Variants in NYAP2 observed in about 807,000 individuals in gnomAD.
NYAP2 encodes the protein neuronal tyrosine-phosphorylated phosphoinositide-3-kinase adaptor 2, also known as neuronal tyrosine-phosphorylated phosphoinositide-3-kinase adapter 2.
A neutral mutation model predicts 50.4 loss-of-function variants in NYAP2; 23 were observed. That is an observed-to-expected ratio of 0.46 (90% CI 0.33 to 0.65). The LOEUF (loss-of-function observed/expected upper bound fraction) is 0.65, where lower values mean the gene tolerates loss of function less well. Ranked by LOEUF, NYAP2 falls within the 30% of genes least tolerant of loss-of-function variation. The pLI, the probability that NYAP2 is intolerant of heterozygous loss-of-function variation, is 0.02. For synonymous variants in NYAP2, 394 were observed against 365.2 expected (o/e 1.08, Z -0.90); for missense variants, 885 against 861.0 (o/e 1.03, Z -0.35).
chr2:225,545,635 T>C (rs1227752783), intron 4 of NYAP2, among the ~76,000 whole-genome samples: 1 of 152,206 alleles, frequency 6.6e-6, no homozygotes, highest in Non-Finnish European at 1.5e-5. Context: ...AACAGCTATT[T>C]TGAATTCTCT....
chr2:225,520,377 G>A (rs1235936435), intron 4 of NYAP2, among the ~76,000 whole-genome samples: 1 of 151,992 alleles, frequency 6.6e-6, no homozygotes, highest in Non-Finnish European at 1.5e-5. Context: ...TAATGCCTAG[G>A]TTTTCTTCTA....
chr2:225,691,287 T>C, the NYAP2 span, among the ~76,000 whole-genome samples: 2 of 152,178 alleles, frequency 1.3e-5, no homozygotes, highest in South Asian at 4.1e-4. Flanking sequence ...TTCTACCTTG[T>C]AGACAGTACG....
chr2:225,411,810 C>A (rs763420090), intron 3 of NYAP2, among the ~76,000 whole-genome samples: 11 of 151,998 alleles, frequency 7.2e-5, no homozygotes, highest in Non-Finnish European at 1.6e-4. Context: ...GAGAACTGAC[C>A]ATTGCTTTTT....
At chr2:225,624,828 T>A (rs2106256665) in intron 5 of NYAP2, among the ~76,000 whole-genome samples, 1 of 151,402 alleles carries the variant, frequency 6.6e-6, no homozygotes, top group South Asian at 2.1e-4. Flanking sequence ...TGGTATTTTC[T>A]TTGTTTTGTA....
chr2:225,665,843 C>A, the NYAP2 span, among the ~76,000 whole-genome samples: 1 of 67,528 alleles, frequency 1.5e-5, no homozygotes, highest in Non-Finnish European at 3.6e-5. Context: ...AAAAAGCCCA[C>A]CACCCAGATA....
chr2:225,448,063 G>A (rs1435888879), intron 3 of NYAP2, among the ~76,000 whole-genome samples: 1 of 152,206 alleles, frequency 6.6e-6, no homozygotes, highest in Non-Finnish European at 1.5e-5. Flanking sequence ...CACCTGAGAT[G>A]GGCCTTCTCA....
At chr2:225,407,487 A>T (rs1279733638) in intron 2 of NYAP2, among the ~76,000 whole-genome samples, 1 of 151,964 alleles carries the variant, frequency 6.6e-6, no homozygotes, top group Non-Finnish European at 1.5e-5. Flanking sequence ...ATGGGTTCCA[A>T]ATCAAATATG....
intron 5 of NYAP2, among the ~76,000 whole-genome samples, chr2:225,591,516 AT>A (rs1692504663): frequency 6.6e-6 from 1 of 152,144 alleles, no homozygotes; most frequent in Admixed American, 6.5e-5. Flanking sequence ...GAACACTTCC[AT>A]AATAATAGTG....
exon 6 of NYAP2, chr2:225,626,953 C>A (rs754478693): frequency 6.3e-7 from 1 of 1,583,696 alleles, no homozygotes; most frequent in African/African-American, 1.3e-5. Context: ...AGCCACAGCA[C>A]GGAGCCATTA....
intron 3 of NYAP2, among the ~76,000 whole-genome samples, chr2:225,469,988 T>C (rs1689986954): frequency 6.6e-6 from 1 of 152,080 alleles, no homozygotes; most frequent in South Asian, 2.1e-4. Flanking sequence ...ACCCCAGAGC[T>C]TGAAGTAGAA....
At chr2:225,411,826 A>G (rs976544374) in intron 3 of NYAP2, among the ~76,000 whole-genome samples, 1 of 152,030 alleles carries the variant, frequency 6.6e-6, no homozygotes, top group African/African-American at 2.4e-5. Context: ...TTTTTACCAC[A>G]TTTGTGTTAT....
chr2:225,626,982 G>C, exon 6 of NYAP2: 1 of 1,587,588 alleles, frequency 6.3e-7, no homozygotes, highest in Non-Finnish European at 8.6e-7. Flanking sequence ...GGACAACAAG[G>C]AAAGAGGCCA....
chr2:225,426,139 CTT>C (rs56247453), intron 3 of NYAP2, among the ~76,000 whole-genome samples: 6,414 of 148,876 alleles, frequency 0.043, 160 homozygotes, highest in African/African-American at 0.071. Context: ...TTTCTCTTTT[CTT>C]TTTTTTTTTT....
rs150128802 is a variant in NYAP2 at position 225,582,820 on chromosome 2, G to T, written c.1403G>T (p.Ser468Ile). The change falls in exon 5 of 7, where the codon AGC becomes ATC. Residue 468 changes from serine to isoleucine, a missense_variant. Coordinates refer to ENST00000636099, the Ensembl canonical transcript of NYAP2. The surrounding 1 kb of genome is among the most constrained non-coding windows in gnomAD (Gnocchi z 7.0). ...GTGCATTCGGGCAGCCTCTCAAGGA[G>T]CTCTCCTTCAGTGCCTCACTCGACC... 177 of 1,613,892 alleles carry T rather than the reference G, an allele frequency of 1.1e-4. No homozygotes were observed. In the African/African-American group the frequency reaches 2.2e-3, roughly 20 times the overall value.
chr2:225,616,556 G>A (rs1027092069), intron 5 of NYAP2, among the ~76,000 whole-genome samples: 1 of 152,216 alleles, frequency 6.6e-6, no homozygotes, highest in Non-Finnish European at 1.5e-5. Flanking sequence ...GACTGGTAGA[G>A]TGAGAGTTCT....
chr2:225,543,803 G>C (rs778168910), intron 4 of NYAP2, among the ~76,000 whole-genome samples: 3 of 151,908 alleles, frequency 2.0e-5, no homozygotes, highest in Non-Finnish European at 4.4e-5. Context: ...GATTAAGTCC[G>C]ATGTTTGTTG....
At chr2:225,428,289 A>G (rs1695315145) in intron 3 of NYAP2, among the ~76,000 whole-genome samples, 2 of 152,134 alleles carry the variant, frequency 1.3e-5, no homozygotes, top group African/African-American at 4.8e-5. Context: ...CTTTTTCAAT[A>G]TAGGAATCCA....
chr2:225,631,859 C>T (rs1325078871), intron 6 of NYAP2, among the ~76,000 whole-genome samples: 1 of 152,142 alleles, frequency 6.6e-6, no homozygotes, highest in South Asian at 2.1e-4. Context: ...ACCCTGTCAC[C>T]CAGGCTGGAG....
intron 3 of NYAP2, among the ~76,000 whole-genome samples, chr2:225,474,002 G>T (rs1417360424): frequency 6.6e-6 from 1 of 152,118 alleles, no homozygotes; most frequent in Non-Finnish European, 1.5e-5. Context: ...TGTAAGGAAG[G>T]GATCCAGTTT....
Sources: gnomAD v4.1 joint callset for allele counts (sites outside exome capture counted in the v4.1 genomes callset) on GRCh38, gnomAD v4.1.1 for gene constraint, Gnocchi (gnomAD v3.1) non-coding constraint, MANE v1.5 for transcripts, NCBI Gene and HGNC (gene_info 2026-07-23, HGNC 2026-07-21) for gene names.